GRID2: variants seen among roughly 807,000 people sequenced by gnomAD.
GRID2 encodes glutamate ionotropic receptor delta type subunit 2.
GRID2 carries 33 observed loss-of-function variants against 114.8 expected under a neutral mutation model. The ratio of observed to expected loss-of-function variants is 0.29; its 90% confidence interval spans 0.22 to 0.38. GRID2 has a LOEUF of 0.38. Ranked by LOEUF, GRID2 falls within the 10% of genes least tolerant of loss-of-function variation. The pLI is 1.00. For missense variants in GRID2, 1,184 were observed against 1,257.7 expected, an observed-to-expected ratio of 0.94 and a Z score of 0.89; for synonymous variants, 505 against 449.9, an observed-to-expected ratio of 1.12 and a Z score of -1.55.
At chr4:92,691,447 A>G (rs539285155) in intron 2 of GRID2, among the ~76,000 whole-genome samples, 1 of 152,218 alleles carries the variant, frequency 6.6e-6, no homozygotes, top group South Asian at 2.1e-4. Flanking sequence ...CTGTCCCTAA[A>G]CTTAAGGAGC....
At chr4:93,461,747 T>C (rs1214990003) in intron 11 of GRID2, among the ~76,000 whole-genome samples, 4 of 152,234 alleles carry the variant, frequency 2.6e-5, no homozygotes, top group East Asian at 3.9e-4. Flanking sequence ...GTGAATTAGG[T>C]TGTAAAATGC....
At chr4:92,616,665 A>T (rs909933894) in intron 2 of GRID2, among the ~76,000 whole-genome samples, 11 of 135,296 alleles carry the variant, frequency 8.1e-5, no homozygotes, top group African/African-American at 2.8e-4. Context: ...TTCCTCAAAG[A>T]AAAAAACCAG....
intron 8 of GRID2, chr4:93,259,062 A>T (rs1452153002): frequency 3.1e-6 from 1 of 326,948 alleles, no homozygotes; most frequent in Non-Finnish European, 6.2e-6. Context: ...TATTATAGAG[A>T]TGCTTTGCCT....
chr4:93,541,636 G>A (rs543430198), intron 13 of GRID2, among the ~76,000 whole-genome samples: 1 of 152,108 alleles, frequency 6.6e-6, no homozygotes, highest in Non-Finnish European at 1.5e-5. Context: ...ACATGGTCTT[G>A]CAGGGGCAGC....
chr4:93,590,310 G>A (rs1275084420), intron 13 of GRID2, among the ~76,000 whole-genome samples: 4 of 150,284 alleles, frequency 2.7e-5, no homozygotes, highest in Non-Finnish European at 4.5e-5. Flanking sequence ...ATTAAATAGG[G>A]AATCCTTTCC....
At chr4:93,775,724 G>A (rs1167484408), downstream of GRID2, among the ~76,000 whole-genome samples, 1 of 152,074 alleles carries the variant, frequency 6.6e-6, no homozygotes, top group Non-Finnish European at 1.5e-5. Context: ...AAGATATCTG[G>A]TATCACTGTA....
At chr4:93,202,914 A>G (rs1453624772) in intron 4 of GRID2, among the ~76,000 whole-genome samples, 1 of 152,106 alleles carries the variant, frequency 6.6e-6, no homozygotes, top group African/African-American at 2.4e-5. Context: ...TGATATGCAT[A>G]TAAGTGCATA....
At chr4:92,488,167 A>C (rs1189081074) in intron 1 of GRID2, among the ~76,000 whole-genome samples, 1 of 152,146 alleles carries the variant, frequency 6.6e-6, no homozygotes, top group East Asian at 1.9e-4. Flanking sequence ...ATAATCTAAT[A>C]CTCAATTCCT....
chr4:93,072,913 A>G (rs1728935125), intron 2 of GRID2, among the ~76,000 whole-genome samples: 1 of 152,186 alleles, frequency 6.6e-6, no homozygotes, highest in South Asian at 2.1e-4. Flanking sequence ...AAATGTCTAA[A>G]TGTGGCATTA....
In GRID2 at chr4:92,938,376, C is replaced by G. The variant is rs144980847; in HGVS notation, c.245-146619C>G. On this transcript the variant is annotated intron_variant, in intron 2 of 15. Transcript: ENST00000282020. Reference sequence around the variant, plus strand: ...GAATTTCAAAAAAACTATTATAAACCATCTTTCTTTTCCATGCAGTCAATT... The same window carrying G: ...GAATTTCAAAAAAACTATTATAAACGATCTTTCTTTTCCATGCAGTCAATT... 2.9e-3 allele frequency among the ~76,000 whole-genome samples: 423 copies of G among 146,314 alleles called. 15 individuals are homozygous for G. Among genetic ancestry groups the G allele is most frequent in the African/African-American group, 1.0e-2 (410 of 41,204 alleles).
chr4:92,864,631 C>G (rs1744741084), intron 2 of GRID2, among the ~76,000 whole-genome samples: 1 of 152,108 alleles, frequency 6.6e-6, no homozygotes, highest in Non-Finnish European at 1.5e-5. Context: ...CCTTTTGTAG[C>G]CTTCCAGATA....
In GRID2 at chr4:92,712,426, CATT is replaced by C. The variant is rs560856387; in HGVS notation, c.244+122142_244+122144del. ...TTTCTAAGAGTTTGCACTTGTATCACATTAGCACTTTTACCAGTTGATGCCATA... is the reference window on the plus strand; with the variant it reads ...TTTCTAAGAGTTTGCACTTGTATCACAGCACTTTTACCAGTTGATGCCATA... On this transcript the variant is annotated intron_variant, in intron 2 of 15. Transcript: ENST00000282020. 6.2e-3 allele frequency among the ~76,000 whole-genome samples: 949 copies of C among 152,216 alleles called. 13 individuals carry two copies. The highest frequency in any genetic ancestry group is 0.021 in the African/African-American group (893 of 41,544).
At chr4:93,477,908 G>T (rs1372871420) in intron 11 of GRID2, among the ~76,000 whole-genome samples, 1 of 152,022 alleles carries the variant, frequency 6.6e-6, no homozygotes, top group African/African-American at 2.4e-5. Flanking sequence ...TTTGCGGTGG[G>T]GAATTAATGA....
At chr4:93,067,067 T>G (rs2149300310) in intron 2 of GRID2, among the ~76,000 whole-genome samples, 1 of 152,090 alleles carries the variant, frequency 6.6e-6, no homozygotes, top group Non-Finnish European at 1.5e-5. Context: ...TTTAGTATTT[T>G]CAGACCATGG....
At chr4:93,748,111 C>T (rs1163033864) in intron 14 of GRID2, among the ~76,000 whole-genome samples, 2 of 151,930 alleles carry the variant, frequency 1.3e-5, no homozygotes, top group African/African-American at 2.4e-5. Flanking sequence ...AGTTTATATA[C>T]TATCAAGTAA....
intron 1 of GRID2, among the ~76,000 whole-genome samples, chr4:92,523,174 CAA>C (rs1314539793): frequency 1.2e-4 from 18 of 151,726 alleles, no homozygotes; most frequent in Admixed American, 1.2e-3. Flanking sequence ...ATTGTGAGTC[CAA>C]GAGAGAGGGA....
At chr4:92,387,339 AAG>A (rs1730011866) in intron 1 of GRID2, among the ~76,000 whole-genome samples, 1 of 151,944 alleles carries the variant, frequency 6.6e-6, no homozygotes, top group African/African-American at 2.4e-5. Context: ...TATTGTGTCT[AAG>A]AGATGTTTTG....
At chr4:93,489,886 C>T (rs1283652458) in intron 11 of GRID2, among the ~76,000 whole-genome samples, 7 of 151,876 alleles carry the variant, frequency 4.6e-5, no homozygotes, top group Admixed American at 4.6e-4. Context: ...AAGTGAGAAT[C>T]ATGTAGGCTT....
chr4:92,351,099 C>T (rs556560865), intron 1 of GRID2, among the ~76,000 whole-genome samples: 3 of 151,762 alleles, frequency 2.0e-5, no homozygotes, highest in East Asian at 3.9e-4. Context: ...GGGTTGTTTC[C>T]ACTTTTTGGC....
Sources: allele counts gnomAD v4.1 joint callset (sites outside exome capture counted in the v4.1 genomes callset), GRCh38; gene constraint gnomAD v4.1.1; transcripts MANE v1.5; gene names NCBI Gene and HGNC (gene_info 2026-07-23, HGNC 2026-07-21).